Variants in ADAMTS16 observed in about 807,000 individuals in gnomAD.
ADAMTS16 encodes the protein A disintegrin and metalloproteinase with thrombospondin motifs 16.
Under a neutral mutation model 145.8 loss-of-function variants are expected in ADAMTS16, and 94 were observed. The observed-to-expected ratio is 0.64, with a 90% CI of 0.55 to 0.77. The LOEUF is 0.77. ADAMTS16 is among the 30% of genes least tolerant of loss of function. The probability of loss-of-function intolerance (pLI) is 0.00; values close to 1 mark genes in which losing one functional copy is unlikely to be tolerated. For synonymous variants in ADAMTS16, 659 were observed against 604.3 expected (o/e 1.09, Z -1.33); for missense variants, 1,585 against 1,591.5 (o/e 1.00, Z 0.07).
intron 3 of ADAMTS16, among the ~76,000 whole-genome samples, chr5:5,165,462 T>C (rs530678221): frequency 6.6e-6 from 1 of 152,216 alleles, no homozygotes; most frequent in Non-Finnish European, 1.5e-5. Flanking sequence ...ATAAAATACC[T>C]GGGACAGAGG....
At chr5:5,244,082 G>A (rs1354994861) in intron 17 of ADAMTS16, among the ~76,000 whole-genome samples, 1 of 152,180 alleles carries the variant, frequency 6.6e-6, no homozygotes, top group Non-Finnish European at 1.5e-5. Context: ...ACATTCTGTA[G>A]GATAATGCTC....
rs191274712 is a variant in ADAMTS16, at chr5:5,164,897, C to T, written c.502-17147C>T. Among the ~76,000 whole-genome samples the T allele has an allele frequency of 7.6e-3, 1,163 of 152,152 alleles. 14 individuals are homozygous for T. The highest frequency in any genetic ancestry group is 0.026 in the African/African-American group (1,097 of 41,514). ...TTTGCCATGTTAGTCAGGATGGTCT[C>T]GATCTCCTGACCTCATGACCCACCC... On this transcript the variant is annotated intron_variant, in intron 3 of 22. Transcript: ENST00000274181.
At chr5:5,162,432 G>A (rs949576097) in intron 3 of ADAMTS16, among the ~76,000 whole-genome samples, 1 of 152,172 alleles carries the variant, frequency 6.6e-6, no homozygotes, top group Non-Finnish European at 1.5e-5. Flanking sequence ...CTGAGCATTT[G>A]ACCAGGCATC....
chr5:5,292,566 C>T (rs1294047601), intron 18 of ADAMTS16, among the ~76,000 whole-genome samples: 1 of 151,676 alleles, frequency 6.6e-6, no homozygotes, highest in Non-Finnish European at 1.5e-5. Context: ...AAAATACAAA[C>T]CCAGTATAGA....
At position 5,318,172 on chromosome 5, in the gene ADAMTS16, C is replaced by T. The variant is rs186504776; in HGVS notation, c.3450C>T (p.Ser1150=). ...ASCGGGVQTR[S]VQCLAGGRPA... The stretch of plus-strand genomic sequence containing the variant: ...GTGGGGGAGGCGTTCAGACGAGGTC[C>T]GTGCAGTGCCTGGCTGGGGGCCGGC... The change falls in exon 22 of 23, where the codon TCC becomes TCT. Residue 1150 remains serine (S), a synonymous_variant. Transcript: ENST00000274181. The T allele has an allele frequency of 3.8e-5, 59 of 1,545,172 alleles. No individual in the cohort carries two copies. In the African/African-American group the frequency reaches 5.6e-4, roughly 15 times the overall value.
rs1451020357 is a variant in ADAMTS16, at chr5:5,239,931, G to T, written c.2523+6G>T. The T allele has an allele frequency of 6.2e-7, 1 of 1,612,550 alleles. No homozygotes were observed. Among genetic ancestry groups the T allele is most frequent in the African/African-American group, 1.3e-5 (1 of 74,868 alleles). On this transcript the variant is annotated splice_donor_region_variant and intron_variant, in intron 16 of 22. Coordinates refer to ENST00000274181, the MANE Select transcript of ADAMTS16 (RefSeq NM_139056.4). ...ACGAGACACTGATTGTGGAGGTAAA[G>T]TCCAGCCTCTTGATTTTGGGGCTTG... is the stretch of plus-strand genomic sequence containing the variant.
At chr5:5,203,279 T>C (rs1736008776) in intron 9 of ADAMTS16, among the ~76,000 whole-genome samples, 1 of 152,242 alleles carries the variant, frequency 6.6e-6, no homozygotes, top group Admixed American at 6.5e-5. Flanking sequence ...TGGACACTTC[T>C]ATAGTGTGTT....
chr5:5,296,124 T>C (rs1739518841), intron 18 of ADAMTS16, among the ~76,000 whole-genome samples: 1 of 152,150 alleles, frequency 6.6e-6, no homozygotes, highest in Admixed American at 6.5e-5. Flanking sequence ...CTGTGGTCCA[T>C]CCCAGCTCCG....
chr5:5,150,518 C>G (rs1053816430), intron 3 of ADAMTS16, among the ~76,000 whole-genome samples: 3 of 152,228 alleles, frequency 2.0e-5, no homozygotes, highest in Non-Finnish European at 4.4e-5. Context: ...AGAAAAGCAG[C>G]CCACCCTGGG....
At chr5:5,222,570 TAAAAC>T (rs1339743636) in intron 10 of ADAMTS16, among the ~76,000 whole-genome samples, 1 of 152,166 alleles carries the variant, frequency 6.6e-6, no homozygotes, top group Admixed American at 6.5e-5. Flanking sequence ...AATATATAAA[TAAAAC>T]AAATAAAGTA....
In ADAMTS16 at chr5:5,236,950, G is replaced by A. The variant is rs1210316588; in HGVS notation, c.2024-19G>A. The A allele has an allele frequency of 6.2e-7, 1 of 1,600,246 alleles. No homozygotes were observed. The highest frequency in any genetic ancestry group is 1.1e-5 in the South Asian group (1 of 88,968). On this transcript the variant is annotated intron_variant, in intron 13 of 22. Transcript: ENST00000274181. ...AAGTATTTTTCTTATTTGTGTTTGT[G>A]TGTGTATTTCTTTTTAAGATCAGGA...
intron 18 of ADAMTS16, among the ~76,000 whole-genome samples, chr5:5,290,662 AG>A (rs755235556): frequency 2.0e-5 from 3 of 152,214 alleles, no homozygotes; most frequent in Non-Finnish European, 4.4e-5. Flanking sequence ...AAGAAAAAAA[AG>A]GTGTTGCACA....
intron 8 of ADAMTS16, among the ~76,000 whole-genome samples, chr5:5,197,913 C>T (rs1735851038): frequency 6.6e-6 from 1 of 152,126 alleles, no homozygotes; most frequent in African/African-American, 2.4e-5. Flanking sequence ...CAGCTCCTAA[C>T]CCTCGACCCA....
At chr5:5,168,648 ATT>A (rs1734957356) in intron 3 of ADAMTS16, among the ~76,000 whole-genome samples, 1 of 96,972 alleles carries the variant, frequency 1.0e-5, no homozygotes, top group East Asian at 2.2e-4. Flanking sequence ...ATATAATTAT[ATT>A]TATATATTAT....
At chr5:5,298,773 A>G (rs1178327927) in intron 18 of ADAMTS16, among the ~76,000 whole-genome samples, 1 of 152,258 alleles carries the variant, frequency 6.6e-6, no homozygotes, top group Non-Finnish European at 1.5e-5. Context: ...ACAAGGTTGT[A>G]GTGTCTTCAA....
chr5:5,259,199 C>T (rs1316774221), intron 17 of ADAMTS16, among the ~76,000 whole-genome samples: 2 of 152,212 alleles, frequency 1.3e-5, no homozygotes, highest in African/African-American at 4.8e-5. Context: ...TGCACAGCTA[C>T]TGTGAATCCT....
At chr5:5,177,829 A>C (rs1735240878) in intron 3 of ADAMTS16, among the ~76,000 whole-genome samples, 1 of 152,142 alleles carries the variant, frequency 6.6e-6, no homozygotes, top group African/African-American at 2.4e-5. Flanking sequence ...GAGCCCAGTT[A>C]CTTCTTTACT....
At chr5:5,177,397 T>A (rs541611100) in intron 3 of ADAMTS16, among the ~76,000 whole-genome samples, 1 of 152,218 alleles carries the variant, frequency 6.6e-6, no homozygotes. Context: ...GACCAGCATA[T>A]CAGCCCCGTT....
At chr5:5,147,638 C>A (rs553939726) in intron 3 of ADAMTS16, among the ~76,000 whole-genome samples, 1 of 152,240 alleles carries the variant, frequency 6.6e-6, no homozygotes, top group African/African-American at 2.4e-5. Context: ...TTATTTGGCG[C>A]TCTTGTTAAG....
Sources: allele counts gnomAD v4.1 joint callset (sites outside exome capture counted in the v4.1 genomes callset), GRCh38; gene constraint gnomAD v4.1.1; transcripts MANE v1.5; gene names NCBI Gene and HGNC (gene_info 2026-07-23, HGNC 2026-07-21).